Variants in SPATA17 observed in about 807,000 individuals in gnomAD.
SPATA17 encodes spermatogenesis-associated protein 17.
Under a neutral mutation model 62.2 loss-of-function variants are expected in SPATA17, and 53 were observed. The ratio of observed to expected loss-of-function variants is 0.85; its 90% CI spans 0.68 to 1.07. SPATA17 has a LOEUF of 1.07. Ranked by LOEUF, SPATA17 falls within the 50% of genes least tolerant of loss-of-function variation. The pLI, the probability that SPATA17 is intolerant of heterozygous loss-of-function variation, is 0.00. For synonymous variants in SPATA17, 146 were observed against 146.8 expected (o/e 0.99, Z 0.04); for missense variants, 466 against 425.5 (o/e 1.10, Z -0.84).
At chr1:217,714,502 T>TTTTTTTTTTTTTTTTTTA (rs1294219534) in intron 5 of SPATA17, among the ~76,000 whole-genome samples, 8 of 148,600 alleles carry the variant, frequency 5.4e-5, no homozygotes, top group South Asian at 2.1e-4. Flanking sequence ...TTTTTTTTTT[T>TTTTTTTTTTTTTTTTTTA]GAGACAGAGT....
intron 5 of SPATA17, among the ~76,000 whole-genome samples, chr1:217,707,047 C>T (rs1671753189): frequency 6.6e-6 from 1 of 151,748 alleles, no homozygotes; most frequent in African/African-American, 2.4e-5. Flanking sequence ...TTGTATTTTT[C>T]GTAGAGACAG....
chr1:217,666,979 T>C (rs1195414103), intron 3 of SPATA17, among the ~76,000 whole-genome samples: 1 of 152,000 alleles, frequency 6.6e-6, no homozygotes, highest in Non-Finnish European at 1.5e-5. Flanking sequence ...AAAATCTGAA[T>C]CTTTTTTTCC....
chr1:217,767,881 C>A (rs1673340519), intron 6 of SPATA17, among the ~76,000 whole-genome samples: 1 of 152,120 alleles, frequency 6.6e-6, no homozygotes, highest in Admixed American at 6.5e-5. Context: ...CCTGTGTTTC[C>A]ACAGAGGCTG....
intron 3 of SPATA17, among the ~76,000 whole-genome samples, chr1:217,654,791 C>CA (rs1307515930): frequency 5.3e-5 from 8 of 151,036 alleles, no homozygotes; most frequent in African/African-American, 1.7e-4. Context: ...CAGCTCACTG[C>CA]AACCTCTGCC....
At chr1:217,727,772 A>C (rs1375064858) in intron 5 of SPATA17, among the ~76,000 whole-genome samples, 1 of 152,200 alleles carries the variant, frequency 6.6e-6, no homozygotes, top group Admixed American at 6.5e-5. Context: ...ATAAGGATGA[A>C]AAGGCAAGCT....
intron 6 of SPATA17, among the ~76,000 whole-genome samples, chr1:217,750,904 A>T (rs1387753585): frequency 6.6e-6 from 1 of 152,214 alleles, no homozygotes; most frequent in African/African-American, 2.4e-5. Flanking sequence ...TACATTCTGT[A>T]AAGCTGGGGC....
intron 6 of SPATA17, among the ~76,000 whole-genome samples, chr1:217,749,778 A>T (rs1475340103): frequency 6.6e-6 from 1 of 151,496 alleles, no homozygotes; most frequent in Non-Finnish European, 1.5e-5. Context: ...GCCTCCAAAG[A>T]TTCCCTGTTA....
chr1:217,821,736 C>G (rs1201814539), intron 9 of SPATA17, among the ~76,000 whole-genome samples: 1 of 151,970 alleles, frequency 6.6e-6, no homozygotes, highest in Non-Finnish European at 1.5e-5. Flanking sequence ...ATGTGGATAT[C>G]ACTATTTAAC....
intron 6 of SPATA17, among the ~76,000 whole-genome samples, chr1:217,752,620 A>C (rs1038948285): frequency 2.0e-5 from 3 of 152,210 alleles, no homozygotes; most frequent in South Asian, 2.1e-4. Context: ...ATAATGCATT[A>C]TGTTGAATAT....
chr1:217,674,296 C>T (rs1242500486), intron 4 of SPATA17, among the ~76,000 whole-genome samples: 1 of 152,194 alleles, frequency 6.6e-6, no homozygotes, highest in Non-Finnish European at 1.5e-5. Flanking sequence ...TTCTTTGGTT[C>T]TCCCTCTTTC....
At chr1:217,773,795 A>G (rs926908057) in intron 6 of SPATA17, among the ~76,000 whole-genome samples, 4 of 152,084 alleles carry the variant, frequency 2.6e-5, no homozygotes, top group African/African-American at 9.7e-5. Flanking sequence ...CTGTAGCATT[A>G]TAGGTGATAC....
At chr1:217,766,926 G>T (rs1057152852) in intron 6 of SPATA17, among the ~76,000 whole-genome samples, 2 of 151,902 alleles carry the variant, frequency 1.3e-5, no homozygotes, top group Non-Finnish European at 2.9e-5. Flanking sequence ...AGGCCCCACT[G>T]TCTATTTTTC....
chr1:217,836,323 T>C (rs1341080348), intron 9 of SPATA17, among the ~76,000 whole-genome samples: 1 of 152,174 alleles, frequency 6.6e-6, no homozygotes, highest in Non-Finnish European at 1.5e-5. Context: ...TCTGAAGTTA[T>C]GCTCAACAAA....
intron 5 of SPATA17, among the ~76,000 whole-genome samples, chr1:217,687,271 T>C (rs946829788): frequency 3.3e-5 from 5 of 152,180 alleles, no homozygotes; most frequent in Non-Finnish European, 7.3e-5. Flanking sequence ...GCATTTTTTA[T>C]ATTCTCTTTG....
Position 217,871,610 on chromosome 1 carries a change from T to C in SPATA17, c.*4591T>C, listed in dbSNP as rs1676129868. 1 of 152,180 alleles carries C rather than the reference T, an allele frequency of 6.6e-6. No homozygotes were observed. The highest frequency in any genetic ancestry group is 1.5e-5 in the Non-Finnish European group (1 of 68,030). 9.4% of individuals were successfully genotyped at this position (152,180 alleles called of 1,614,324 possible). ...GCAAAGCATTAGGATAAATTTTTAT[T>C]GAAAATTGAGTGAATGACTGAACAA... On this transcript the variant is annotated 3_prime_UTR_variant, in exon 11 of 11. Transcript: ENST00000366933.
At position 217,744,191 on chromosome 1, in the gene SPATA17, G is replaced by A. The variant is rs945179144; in HGVS notation, c.519+2093G>A. 1.5e-4 allele frequency among the ~76,000 whole-genome samples: 7 copies of A among 47,184 alleles called. 2 individuals are homozygous for A. Among genetic ancestry groups the A allele is most frequent in the Non-Finnish European group, 5.0e-4 (6 of 11,976 alleles). 31.0% of individuals were successfully genotyped at this position (47,184 alleles called of 152,430 possible). ...TGACAAAGAATTTTCGGCCGGGCGC[G>A]GTGGCTCACGCCTGTAATCCCAGCA... On this transcript the variant is annotated intron_variant, in intron 6 of 10. Transcript: ENST00000366933.
intron 6 of SPATA17, among the ~76,000 whole-genome samples, chr1:217,760,187 T>C (rs1366357165): frequency 6.6e-6 from 1 of 152,104 alleles, no homozygotes; most frequent in African/African-American, 2.4e-5. Context: ...AGACTTAAAG[T>C]TTGAGTGGTG....
chr1:217,700,685 C>T (rs961216999), intron 5 of SPATA17, among the ~76,000 whole-genome samples: 1 of 151,536 alleles, frequency 6.6e-6, no homozygotes, highest in Non-Finnish European at 1.5e-5. Context: ...CTCCCAGGCT[C>T]AAGCGAATCT....
intron 9 of SPATA17, among the ~76,000 whole-genome samples, chr1:217,818,242 G>A (rs1262108349): frequency 2.0e-5 from 3 of 151,764 alleles, no homozygotes; most frequent in African/African-American, 7.3e-5. Flanking sequence ...ATAGCCTGTT[G>A]TATTCAGTTA....
Sources: gnomAD v4.1 joint callset for allele counts (sites outside exome capture counted in the v4.1 genomes callset) on GRCh38, gnomAD v4.1.1 for gene constraint, MANE v1.5 for transcripts, NCBI Gene and HGNC (gene_info 2026-07-23, HGNC 2026-07-21) for gene names.